The following TRMT11 variants were observed in gnomAD, a reference collection of about 807,000 sequenced individuals.
TRMT11 encodes tRNA methyltransferase 11.
TRMT11 carries 53 observed loss-of-function variants against 62.8 expected under a neutral mutation model. The ratio of observed to expected loss-of-function variants is 0.84; its 90% confidence interval spans 0.68 to 1.06. TRMT11 has a LOEUF of 1.06. Among genes scored for constraint, TRMT11 ranks in the 50% least tolerant of loss-of-function variants. The probability of loss-of-function intolerance (pLI) is 0.00; values close to 1 mark genes in which losing one functional copy is unlikely to be tolerated. For missense variants in TRMT11, 556 were observed against 553.4 expected, an observed-to-expected ratio of 1.00 and a Z score of -0.05; for synonymous variants, 188 against 190.3, an observed-to-expected ratio of 0.99 and a Z score of 0.10.
chr6:126,245,236 T>C, the TRMT11 span, among the ~76,000 whole-genome samples: 5 of 152,340 alleles, frequency 3.3e-5, 1 homozygote. Flanking sequence ...TTGTGTTTAG[T>C]ATACCACTTT....
intron 17 of TRMT11, among the ~76,000 whole-genome samples, chr6:126,088,065 C>A (rs192988254): frequency 6.6e-6 from 1 of 152,016 alleles, no homozygotes; most frequent in East Asian, 1.9e-4. Flanking sequence ...ATTTAATGAC[C>A]ATTATTAGCA....
chr6:126,013,040 G>T lies in TRMT11; in HGVS notation c.1078G>T (p.Ala360Ser). The change falls in exon 11 of 13, where the codon GCA (alanine) becomes TCA (serine). Residue 360 changes from alanine (A) to serine (S), a missense_variant. Coordinates refer to ENST00000334379, the MANE Select transcript of TRMT11 (RefSeq NM_001031712.3). Reference protein sequence around the residue: ...SDMFLDLLNFAAETLVLGGRL... With the variant: ...SDMFLDLLNFSAETLVLGGRL... ...TATGTTTCTTGACCTGTTAAACTTCGCAGCTGAGACCCTCGTTTTAGGTGG... is the reference window on the plus strand; with the variant it reads ...TATGTTTCTTGACCTGTTAAACTTCTCAGCTGAGACCCTCGTTTTAGGTGG... The T allele has an allele frequency of 6.2e-7, 1 of 1,613,748 alleles. No homozygotes were observed.
At chr6:126,156,867 G>A (rs890853702) in intron 21 of TRMT11, among the ~76,000 whole-genome samples, 1 of 152,172 alleles carries the variant, frequency 6.6e-6, no homozygotes, top group African/African-American at 2.4e-5. Flanking sequence ...TCCAACATTG[G>A]AGATTAAATT....
intron 21 of TRMT11, among the ~76,000 whole-genome samples, chr6:126,167,153 A>G (rs1248789696): frequency 6.6e-6 from 1 of 151,782 alleles, no homozygotes; most frequent in East Asian, 1.9e-4. Flanking sequence ...TCCATACACC[A>G]CTGGGGTATG....
chr6:126,016,590 A>T (rs559003448), intron 11 of TRMT11, among the ~76,000 whole-genome samples: 9 of 152,232 alleles, frequency 5.9e-5, no homozygotes, highest in African/African-American at 2.2e-4. Flanking sequence ...TGGCCACTGG[A>T]TATTTCTTCA....
At chr6:126,033,193 C>T (rs924363661) in intron 12 of TRMT11, among the ~76,000 whole-genome samples, 4 of 152,082 alleles carry the variant, frequency 2.6e-5, no homozygotes, top group Non-Finnish European at 4.4e-5. Flanking sequence ...AAGAATCTTT[C>T]GTATGTTGGA....
chr6:126,195,759 G>T (rs969416641), intron 1 of TRMT11, among the ~76,000 whole-genome samples: 2 of 152,160 alleles, frequency 1.3e-5, no homozygotes, highest in African/African-American at 2.4e-5. Flanking sequence ...TTTGGGATTG[G>T]CTTAGGCAGG....
intron 12 of TRMT11, among the ~76,000 whole-genome samples, chr6:126,036,272 A>G (rs1775177727): frequency 6.6e-6 from 1 of 152,124 alleles, no homozygotes; most frequent in African/African-American, 2.4e-5. Context: ...TATCAAGGGA[A>G]AGCCTGAGAA....
At chr6:126,205,942 C>G (rs553237581), downstream of TRMT11, among the ~76,000 whole-genome samples, 1 of 150,820 alleles carries the variant, frequency 6.6e-6, no homozygotes, top group Non-Finnish European at 1.5e-5. Flanking sequence ...CACACACATG[C>G]GCGCACACAC....
chr6:126,123,649 TAA>T (rs1174294558), intron 21 of TRMT11, among the ~76,000 whole-genome samples: 1 of 151,986 alleles, frequency 6.6e-6, no homozygotes, highest in African/African-American at 2.4e-5. Context: ...AAAAGAGGAA[TAA>T]AGAGGCATGC....
At chr6:126,147,400 C>T (rs1035406224) in intron 21 of TRMT11, among the ~76,000 whole-genome samples, 3 of 149,780 alleles carry the variant, frequency 2.0e-5, no homozygotes, top group African/African-American at 7.5e-5. Flanking sequence ...TTTGAAAGTG[C>T]ACAATTCTGG....
At chr6:126,056,967 A>C (rs1161295232) in intron 17 of TRMT11, among the ~76,000 whole-genome samples, 2 of 152,198 alleles carry the variant, frequency 1.3e-5, no homozygotes, top group African/African-American at 4.8e-5. Context: ...TTCTTGGTGC[A>C]GTAATTATGG....
intron 21 of TRMT11, among the ~76,000 whole-genome samples, chr6:126,126,543 A>T (rs777128744): frequency 7.9e-5 from 12 of 152,040 alleles, no homozygotes; most frequent in Non-Finnish European, 1.5e-4. Flanking sequence ...TTTCACTTTG[A>T]TCCAGTTTCC....
chr6:126,244,449 A>C, the TRMT11 span, among the ~76,000 whole-genome samples: 3 of 152,142 alleles, frequency 2.0e-5, no homozygotes, highest in Admixed American at 1.3e-4. Context: ...TCCTACTGTA[A>C]GATTGCATAG....
At chr6:126,221,275 C>A in the TRMT11 span, among the ~76,000 whole-genome samples, 3 of 152,010 alleles carry the variant, frequency 2.0e-5, no homozygotes, top group Non-Finnish European at 4.4e-5. Flanking sequence ...GGGTATATAC[C>A]CAGTAATGGG....
intron 17 of TRMT11, among the ~76,000 whole-genome samples, chr6:126,071,487 G>T: frequency 6.6e-6 from 1 of 151,692 alleles, no homozygotes; most frequent in East Asian, 1.9e-4. Flanking sequence ...GAAAAGCAAA[G>T]CAAAAACAAA....
At chr6:126,257,411 T>C in the TRMT11 span, among the ~76,000 whole-genome samples, 1 of 152,144 alleles carries the variant, frequency 6.6e-6, no homozygotes, top group Non-Finnish European at 1.5e-5. Flanking sequence ...TAGTATCTTG[T>C]TGAGAATTTT....
chr6:126,251,535 T>C, the TRMT11 span, among the ~76,000 whole-genome samples: 6 of 152,184 alleles, frequency 3.9e-5, no homozygotes, highest in African/African-American at 1.4e-4. Flanking sequence ...TTTTATTAAC[T>C]GTAATCACCA....
chr6:126,181,027 C>T (rs1039967681), intron 1 of TRMT11, among the ~76,000 whole-genome samples: 14 of 152,224 alleles, frequency 9.2e-5, no homozygotes, highest in Non-Finnish European at 1.6e-4. Context: ...TTAAACTGCT[C>T]ATTGTTCCAT....
Sources: gnomAD v4.1 joint callset for allele counts (sites outside exome capture counted in the v4.1 genomes callset) on GRCh38, gnomAD v4.1.1 for gene constraint, MANE v1.5 for transcripts, NCBI Gene and HGNC (gene_info 2026-07-23, HGNC 2026-07-21) for gene names.